Variants in UGT2B7 observed in about 807,000 individuals in gnomAD.
UGT2B7 encodes the protein UDP-glucuronosyltransferase 2B7.
UGT2B7 carries 51 observed loss-of-function variants against 51.9 expected under a neutral mutation model. That is an observed-to-expected ratio of 0.98 (90% confidence interval 0.78 to 1.24). UGT2B7 has a LOEUF of 1.24. Ranked by LOEUF, UGT2B7 falls within the 50% of genes most tolerant of loss-of-function variation. The pLI is 0.00. For synonymous variants in UGT2B7, 225 were observed against 211.6 expected, an observed-to-expected ratio of 1.06 and a Z score of -0.55; for missense variants, 727 against 628.4, an observed-to-expected ratio of 1.16 and a Z score of -1.68.
At chr4:69,088,006 T>C (rs1426198776) in intron 1 of UGT2B7, among the ~76,000 whole-genome samples, 3 of 152,052 alleles carry the variant, frequency 2.0e-5, no homozygotes, top group Non-Finnish European at 4.4e-5. Context: ...ATCATTATTT[T>C]ATTATATATG....
chr4:69,064,112 A>AGAGAGAGAAAGAAAGAAAG (rs1718433031), intron 1 of UGT2B7, among the ~76,000 whole-genome samples: 6 of 86,790 alleles, frequency 6.9e-5, no homozygotes, highest in South Asian at 4.0e-4. Context: ...GAAAGAAAGA[A>AGAGAGAGAAAGAAAGAAAG]AAAGAAAGAA....
chr4:69,091,405 T>C (rs1483274865), intron 2 of UGT2B7, among the ~76,000 whole-genome samples: 1 of 152,118 alleles, frequency 6.6e-6, no homozygotes, highest in South Asian at 2.1e-4. Context: ...TTTGTTTTTT[T>C]TTTCTGTCAT....
chr4:69,101,657 C>T (rs78408800), intron 2 of UGT2B7, among the ~76,000 whole-genome samples: 29,907 of 151,294 alleles, frequency 0.2, 3,093 homozygotes, highest in South Asian at 0.28. Flanking sequence ...TAAAAAAACA[C>T]TCTGTAATAT....
chr4:69,090,437 A>G (rs1719061129), intron 2 of UGT2B7, among the ~76,000 whole-genome samples: 1 of 151,218 alleles, frequency 6.6e-6, no homozygotes, highest in Non-Finnish European at 1.5e-5. Flanking sequence ...AACATTGAAC[A>G]TAAATTCTAA....
Position 69,096,853 on chromosome 4 carries a change from A to G in UGT2B7, c.333A>G (p.Gln111=), listed in dbSNP as rs1185277125. The G allele has an allele frequency of 1.2e-6, 2 of 1,613,622 alleles. No individual in the cohort carries two copies. The highest frequency in any genetic ancestry group is 2.2e-5 in the East Asian group (1 of 44,882). ...ATACATTTTGGTTATATTTTTCACA[A>G]GTACAGGAAATCATGTCAATATTTG... The part of the protein sequence containing the change: ...PKDTFWLYFS[Q]VQEIMSIFGD... The change falls in exon 1 of 6, where the codon CAA becomes CAG. Residue 111 remains glutamine, a synonymous_variant. Transcript: ENST00000305231.
At position 69,112,959 on chromosome 4, in the gene UGT2B7, C is replaced by T. The variant is rs190471811; in HGVS notation, c.*223C>T. On this transcript the variant is annotated 3_prime_UTR_variant, in exon 6 of 6. Transcript: ENST00000305231. Reference sequence around the variant, plus strand: ...TTTTGTGGCAATGAAGAAAACACTACGGAAAATAAAAAATAAGATAAAGCC... The same window carrying T: ...TTTTGTGGCAATGAAGAAAACACTATGGAAAATAAAAAATAAGATAAAGCC... 10 of 552,992 alleles carry T rather than the reference C, an allele frequency of 1.8e-5. No individual in the cohort carries two copies. Among genetic ancestry groups the T allele is most frequent in the Admixed American group, 4.1e-5 (1 of 24,348 alleles). 34.3% of individuals were successfully genotyped at this position (552,992 alleles called of 1,614,324 possible).
rs764179973 is a variant in UGT2B7 at position 69,096,974 on chromosome 4, G to A, written c.454G>A (p.Ala152Thr). The change falls in exon 1 of 6, where the codon GCT becomes ACT. Residue 152 changes from alanine (A) to threonine (T), a missense_variant. Ala to Thr is a moderately conservative substitution (Grantham distance 58, BLOSUM62 0). Transcript: ENST00000305231. ...ESRFDVIFAD[A>T]IFPCSELLAE... Reference sequence around the variant, plus strand: ...AAGATTTGACGTCATTTTTGCAGATGCTATTTTTCCCTGTAGTGAGCTGCT... The same window carrying A: ...AAGATTTGACGTCATTTTTGCAGATACTATTTTTCCCTGTAGTGAGCTGCT... 1.1e-5 allele frequency: 17 copies of A among 1,613,456 alleles called. No individual in the cohort carries two copies. In the South Asian group the frequency reaches 1.2e-4, roughly 11 times the overall value.
intron 1 of UGT2B7, among the ~76,000 whole-genome samples, chr4:69,081,773 T>G (rs1169633400): frequency 6.6e-6 from 1 of 152,134 alleles, no homozygotes; most frequent in Non-Finnish European, 1.5e-5. Context: ...TCTCTGGGCT[T>G]CTGATCATAT....
At chr4:69,088,738 C>A (rs1176626990) in intron 1 of UGT2B7, among the ~76,000 whole-genome samples, 3 of 152,116 alleles carry the variant, frequency 2.0e-5, no homozygotes, top group Admixed American at 6.6e-5. Context: ...GTGATTAGTA[C>A]TTCCACTCTT....
intron 1 of UGT2B7, among the ~76,000 whole-genome samples, chr4:69,088,044 C>T (rs186125282): frequency 4.3e-4 from 66 of 152,016 alleles, no homozygotes; most frequent in Admixed American, 1.6e-3. Context: ...TTCTTATCTC[C>T]TTTAAGAACT....
chr4:69,088,234 G>A (rs553070129), intron 1 of UGT2B7, among the ~76,000 whole-genome samples: 2 of 151,970 alleles, frequency 1.3e-5, no homozygotes, highest in African/African-American at 4.8e-5. Context: ...TTTCTACTGA[G>A]TTTTTCAATT....
intron 1 of UGT2B7, among the ~76,000 whole-genome samples, chr4:69,055,115 A>G (rs1287332307): frequency 6.7e-6 from 1 of 149,416 alleles, no homozygotes; most frequent in East Asian, 1.9e-4. Context: ...AAAAAAAAAA[A>G]AAAAAAAAAA....
In UGT2B7 at chr4:69,112,637, G is replaced by A. The variant is rs1440157602; in HGVS notation, c.1491G>A (p.Leu497=). ...ACTCTTTGGATGTGATTGGGTTCCT[G>A]CTGGTCTGTGTGGCAACTGTGATAT... The part of the protein sequence containing the change: ...QYHSLDVIGF[L]LVCVATVIFI... The change falls in exon 6 of 6, where the codon CTG becomes CTA. Residue 497 remains leucine, a synonymous_variant. Transcript: ENST00000305231. 6.2e-7 allele frequency: 1 copy of A among 1,613,894 alleles called. No homozygotes were observed. The highest frequency in any genetic ancestry group is 1.7e-5 in the Admixed American group (1 of 60,018).
chr4:69,078,247 G>A (rs61612343), intron 1 of UGT2B7, among the ~76,000 whole-genome samples: 65,206 of 151,888 alleles, frequency 0.43, 15,555 homozygotes, highest in African/African-American at 0.64. Flanking sequence ...AGGCATATTC[G>A]CCTGAAATTT....
intron 1 of UGT2B7, among the ~76,000 whole-genome samples, chr4:69,063,420 C>T (rs1374241323): frequency 6.6e-6 from 1 of 151,926 alleles, no homozygotes; most frequent in Non-Finnish European, 1.5e-5. Flanking sequence ...GTACTGTACC[C>T]CTATTTACAT....
At chr4:69,083,047 T>C (rs947629546) in intron 1 of UGT2B7, among the ~76,000 whole-genome samples, 4 of 152,078 alleles carry the variant, frequency 2.6e-5, no homozygotes, top group Non-Finnish European at 5.9e-5. Flanking sequence ...GTACTATAAA[T>C]AGAAAAACAA....
chr4:69,108,469 TA>T, intron 5 of UGT2B7, 147 bp downstream of exon 5: 1 of 1,047,522 alleles, frequency 9.5e-7, no homozygotes, highest in South Asian at 2.2e-5. Context: ...TTTATTTTTA[TA>T]AGTTATTTAA....
chr4:69,107,398 C>T, intron 4 of UGT2B7, 136 bp downstream of exon 4: 1 of 1,033,472 alleles, frequency 9.7e-7, no homozygotes, highest in Non-Finnish European at 1.3e-6. Context: ...ATTTTCCAGT[C>T]TTAAGGGAGA....
chr4:69,063,258 G>A (rs558350250), intron 1 of UGT2B7, among the ~76,000 whole-genome samples: 2 of 139,556 alleles, frequency 1.4e-5, no homozygotes, highest in Non-Finnish European at 3.0e-5. Context: ...GGCGGAGCTT[G>A]CAGTGAGCCG....
Sources: gnomAD v4.1 joint callset for allele counts (sites outside exome capture counted in the v4.1 genomes callset) on GRCh38, gnomAD v4.1.1 for gene constraint, MANE v1.5 for transcripts, NCBI Gene and HGNC (gene_info 2026-07-23, HGNC 2026-07-21) for gene names.